The following ACTR3C variants were observed in gnomAD, a reference collection of about 807,000 sequenced individuals.
ACTR3C encodes actin-related protein 3C.
A neutral mutation model predicts 26.3 loss-of-function variants in ACTR3C; 18 were observed. That is an observed-to-expected ratio of 0.68 (90% CI 0.47 to 1.01). The LOEUF is 1.01. Among genes scored for constraint, ACTR3C ranks in the 50% least tolerant of loss-of-function variants. ACTR3C has a pLI of 0.00. For synonymous variants in ACTR3C, 55 were observed against 94.5 expected (o/e 0.58, Z 2.42); for missense variants, 184 against 250.7 (o/e 0.73, Z 1.80).
chr7:150,013,034 C>T, the ACTR3C span, among the ~76,000 whole-genome samples: 1 of 139,274 alleles, frequency 7.2e-6, no homozygotes, highest in Admixed American at 7.4e-5. Flanking sequence ...ATCTTGAGAA[C>T]CCTTGTAAGT....
At chr7:150,244,616 A>G (rs1189421981), downstream of ACTR3C, 1 of 152,192 alleles carries the variant, frequency 6.6e-6, no homozygotes, top group Non-Finnish European at 1.5e-5. Flanking sequence ...GCCATTTGGG[A>G]GCCTTTTCCA....
chr7:150,236,839 C>T, the ACTR3C span, among the ~76,000 whole-genome samples: 11 of 149,892 alleles, frequency 7.3e-5, no homozygotes, highest in African/African-American at 2.5e-4. Flanking sequence ...TCATCCTGTG[C>T]TTTGTTTCCT....
the ACTR3C span, among the ~76,000 whole-genome samples, chr7:150,207,433 A>T: frequency 6.6e-6 from 1 of 152,242 alleles, no homozygotes; most frequent in Non-Finnish European, 1.5e-5. Flanking sequence ...TAGAAATAGT[A>T]TTCAGCATTG....
chr7:150,092,583 G>C, the ACTR3C span, among the ~76,000 whole-genome samples: 1 of 150,098 alleles, frequency 6.7e-6, no homozygotes, highest in African/African-American at 2.5e-5. Flanking sequence ...TTCATGCAAA[G>C]ATTTTCACTA....
the ACTR3C span, among the ~76,000 whole-genome samples, chr7:149,937,914 G>A: frequency 6.6e-6 from 1 of 152,148 alleles, no homozygotes; most frequent in African/African-American, 2.4e-5. Flanking sequence ...TGAACCTAAG[G>A]TATTCAGGTC....
chr7:149,964,661 C>T, the ACTR3C span, among the ~76,000 whole-genome samples: 1 of 152,168 alleles, frequency 6.6e-6, no homozygotes, highest in Non-Finnish European at 1.5e-5. Context: ...CCTTTTAAGA[C>T]TTCGAAAACC....
At chr7:149,964,311 C>A in the ACTR3C span, among the ~76,000 whole-genome samples, 1 of 152,166 alleles carries the variant, frequency 6.6e-6, no homozygotes, top group Non-Finnish European at 1.5e-5. Context: ...CAAGAAAGAT[C>A]TTTTTATCTG....
At chr7:150,226,898 T>A in the ACTR3C span, among the ~76,000 whole-genome samples, 1 of 152,196 alleles carries the variant, frequency 6.6e-6, no homozygotes, top group Non-Finnish European at 1.5e-5. Flanking sequence ...TTTTAAGAGT[T>A]GTTTATTAAA....
At chr7:150,181,343 G>A in the ACTR3C span, among the ~76,000 whole-genome samples, 36 of 150,284 alleles carry the variant, frequency 2.4e-4, 1 homozygote, top group Admixed American at 3.3e-4. Context: ...TCTACTATTC[G>A]ACTGAAGATA....
the ACTR3C span, among the ~76,000 whole-genome samples, chr7:150,065,823 GGACT>G: frequency 2.1e-4 from 32 of 150,488 alleles, no homozygotes; most frequent in African/African-American, 7.6e-4. Context: ...ACAAATTAAT[GGACT>G]GACTTTCTCA....
At chr7:150,110,408 G>T in the ACTR3C span, among the ~76,000 whole-genome samples, 7 of 140,728 alleles carry the variant, frequency 5.0e-5, no homozygotes, top group Non-Finnish European at 1.1e-4. Flanking sequence ...GCAGGGGCGG[G>T]ACTGCTCAGC....
the ACTR3C span, among the ~76,000 whole-genome samples, chr7:149,900,114 A>C: frequency 1.3e-5 from 2 of 149,542 alleles, no homozygotes; most frequent in Non-Finnish European, 3.0e-5. Flanking sequence ...CACCTACTTC[A>C]AAAGAATGGC....
At chr7:150,229,959 T>TGATGCCTATAATCCCAGCACG in the ACTR3C span, among the ~76,000 whole-genome samples, 1 of 151,636 alleles carries the variant, frequency 6.6e-6, no homozygotes, top group African/African-American at 2.4e-5. Context: ...GCATGGTGGC[T>TGATGCCTATAATCCCAGCACG]GATGCCTATA....
At chr7:149,883,647 A>T in the ACTR3C span, among the ~76,000 whole-genome samples, 1 of 152,188 alleles carries the variant, frequency 6.6e-6, no homozygotes, top group Admixed American at 6.5e-5. Flanking sequence ...CAATCTGCGC[A>T]TTGCTGGGGG....
chr7:150,198,945 C>T, the ACTR3C span, among the ~76,000 whole-genome samples: 2 of 136,386 alleles, frequency 1.5e-5, no homozygotes, highest in African/African-American at 3.0e-5. Context: ...GGGTCAGCCC[C>T]CTGCCCGGCC....
At chr7:150,039,784 G>A in the ACTR3C span, among the ~76,000 whole-genome samples, 8 of 124,170 alleles carry the variant, frequency 6.4e-5, no homozygotes, top group Admixed American at 4.8e-4. Flanking sequence ...GCCAGGGGGG[G>A]AAGAGGGACT....
At chr7:150,258,404 G>A (rs1249371813) in intron 6 of ACTR3C, among the ~76,000 whole-genome samples, 2 of 150,796 alleles carry the variant, frequency 1.3e-5, no homozygotes, top group African/African-American at 4.9e-5. Context: ...GACATTGATT[G>A]ACCCGAATAA....
At chr7:150,044,390 G>C in the ACTR3C span, among the ~76,000 whole-genome samples, 3 of 152,078 alleles carry the variant, frequency 2.0e-5, no homozygotes, top group Admixed American at 1.3e-4. Context: ...CCAAGTAATT[G>C]ACTTTATATT....
the ACTR3C span, among the ~76,000 whole-genome samples, chr7:150,149,132 G>T: frequency 5.3e-5 from 6 of 114,256 alleles, no homozygotes; most frequent in Non-Finnish European, 7.1e-5. Flanking sequence ...TATATGCATT[G>T]GCCATTTGGA....
Sources: gnomAD v4.1 joint callset for allele counts (sites outside exome capture counted in the v4.1 genomes callset) on GRCh38, gnomAD v4.1.1 for gene constraint, MANE v1.5 for transcripts, NCBI Gene and HGNC (gene_info 2026-07-23, HGNC 2026-07-21) for gene names.